Variants in LAMA5 observed in about 807,000 individuals in gnomAD.
LAMA5 encodes laminin subunit alpha-5.
Under a neutral mutation model 433.4 loss-of-function variants are expected in LAMA5, and 260 were observed. The observed-to-expected ratio is 0.60, with a 90% confidence interval of 0.54 to 0.66. The LOEUF (loss-of-function observed/expected upper bound fraction) is 0.66, where lower values mean the gene tolerates loss of function less well. Among genes scored for constraint, LAMA5 ranks in the 30% least tolerant of loss-of-function variants. The probability of loss-of-function intolerance (pLI) is 0.00; values close to 1 mark genes in which losing one functional copy is unlikely to be tolerated. For missense variants in LAMA5, 5,378 were observed against 5,258.5 expected (o/e 1.02, Z -0.70); for synonymous variants, 2,620 against 2,226.6 (o/e 1.18, Z -4.97).
At position 62,310,717 on chromosome 20, in the gene LAMA5, T is replaced by G; in HGVS notation, c.10394A>C (p.His3465Pro). The change falls in exon 75 of 80, where the codon CAC (histidine) becomes CCC (proline). Residue 3465 changes from histidine (H) to proline (P), a missense_variant. Coordinates refer to ENST00000252999, the MANE Select transcript of LAMA5 (RefSeq NM_005560.6). ...CGGGAGGCCGCCCACAAAGAGGGTGTGGGGCTGGGGGTGCTCTGCCCCCTG... is the reference window on the plus strand; with the variant it reads ...CGGGAGGCCGCCCACAAAGAGGGTGGGGGGCTGGGGGTGCTCTGCCCCCTG... ...QHQGAEHPQP[H>P]TLFVGGLPAS... is the part of the protein sequence containing the mutation. The G allele has an allele frequency of 1.3e-6, 2 of 1,597,992 alleles. No individual in the cohort carries two copies. The highest frequency in any genetic ancestry group is 1.7e-6 in the Non-Finnish European group (2 of 1,175,610).
intron 32 of LAMA5, among the ~76,000 whole-genome samples, chr20:62,329,527 T>G (rs1257869714): frequency 6.6e-6 from 1 of 152,176 alleles, no homozygotes; most frequent in African/African-American, 2.4e-5. Context: ...CTCTTCCCTC[T>G]CCTTCCTGGA....
chr20:62,322,230 A>C lies in LAMA5; in HGVS notation c.6346+39T>G, dbSNP rs539485787. 5 of 1,562,892 alleles carry C rather than the reference A, an allele frequency of 3.2e-6. No homozygotes were observed. In the South Asian group the frequency reaches 5.8e-5, roughly 18 times the overall value. ...GGACCTTGGAGCGTACCCCACTCAG[A>C]AGTCCCCATCCGCCCTCCTGTGACC... is the stretch of plus-strand genomic sequence containing the variant. On this transcript the variant is annotated intron_variant, in intron 47 of 79. Coordinates refer to ENST00000252999, the MANE Select transcript of LAMA5 (RefSeq NM_005560.6).
In LAMA5 at chr20:62,309,333, G is replaced by A. The variant is rs759037638; in HGVS notation, c.*3C>T. The A allele has an allele frequency of 1.9e-6, 3 of 1,591,682 alleles. No homozygotes were observed. Among genetic ancestry groups the A allele is most frequent in the South Asian group, 1.1e-5 (1 of 89,582 alleles). ...CTGACCAGGGGCCGGGGTTGGCTGTGTCCTAGGCGGCTGGGCAGCCACTGG... is the reference window on the plus strand; with the variant it reads ...CTGACCAGGGGCCGGGGTTGGCTGTATCCTAGGCGGCTGGGCAGCCACTGG... On this transcript the variant is annotated 3_prime_UTR_variant, in exon 80 of 80. Transcript: ENST00000252999.
intron 50 of LAMA5, 107 bp downstream of exon 50, chr20:62,320,452 G>A (rs1001995570): frequency 8.4e-5 from 69 of 818,538 alleles, no homozygotes; most frequent in South Asian, 3.1e-5. Context: ...CCCCTGCACT[G>A]ACACATGTAC....
rs1163893233 is a variant in LAMA5 at position 62,335,366 on chromosome 20, G to C, written c.2324-97C>G. The C allele has an allele frequency of 6.3e-6, 8 of 1,260,394 alleles. No individual in the cohort carries two copies. In the Admixed American group the frequency reaches 1.6e-4, roughly 25 times the overall value. 78.1% of individuals were successfully genotyped at this position (1,260,394 alleles called of 1,614,324 possible). A position where few individuals can be genotyped will look rare whatever the true frequency, so the allele number is the denominator to read the frequency against. The stretch of plus-strand genomic sequence containing the variant: ...CCCACACCCTAACACCCCCTCCAGG[G>C]CACACTCACAGGCTCCAGCACCCCC... On this transcript the variant is annotated intron_variant, in intron 18 of 79. Coordinates refer to ENST00000252999, the MANE Select transcript of LAMA5 (RefSeq NM_005560.6).
Position 62,337,698 on chromosome 20 carries a change from G to A in LAMA5, c.2056C>T (p.His686Tyr). The A allele has an allele frequency of 6.2e-7, 1 of 1,611,448 alleles. No individual in the cohort carries two copies. The change falls in exon 16 of 80, where the codon CAC becomes TAC. Residue 686 changes from histidine (H) to tyrosine (Y), a missense_variant. His to Tyr is a moderately conservative substitution (Grantham distance 83). Coordinates refer to ENST00000252999, the MANE Select transcript of LAMA5 (RefSeq NM_005560.6). ...PCHCSAEGSLHAACDPRSGQC... is the reference protein window; with the variant it reads ...PCHCSAEGSLYAACDPRSGQC... ...CCACTCCGGGGGTCACAGGCTGCGT[G>A]CAGGGAGCCTTCAGCAGAGCAGTGG...
chr20:62,339,257 A>G (rs1207917133), intron 11 of LAMA5, among the ~76,000 whole-genome samples: 4 of 57,188 alleles, frequency 7.0e-5, no homozygotes, highest in Non-Finnish European at 9.1e-5. Context: ...TTTTTTTTTG[A>G]GACGGAGTCT....
chr20:62,315,287 CCAG>C (rs1986821376), intron 58 of LAMA5, 80 bp from the exon 59 acceptor site: 2 of 1,254,684 alleles, frequency 1.6e-6, no homozygotes, highest in Non-Finnish European at 2.2e-6. Flanking sequence ...TTCTGTTGGG[CCAG>C]CAACAGGGAC....
chr20:62,327,741 T>C, intron 36 of LAMA5, 72 bp from the exon 37 acceptor site: 1 of 1,592,380 alleles, frequency 6.3e-7, no homozygotes, highest in Non-Finnish European at 8.6e-7. Flanking sequence ...GGTACCCACC[T>C]GCCAATGGGG....
At position 62,335,084 on chromosome 20, in the gene LAMA5, C is replaced by A. The variant is rs761646814; in HGVS notation, c.2419G>T (p.Ala807Ser). The A allele has an allele frequency of 4.3e-6, 7 of 1,612,930 alleles. No individual in the cohort carries two copies. The highest frequency in any genetic ancestry group is 5.1e-6 in the Non-Finnish European group (6 of 1,179,736). Residue 807 changes from alanine to serine, a missense_variant, in exon 20 of 80, where the codon GCC (alanine) becomes TCC (serine). Coordinates refer to ENST00000252999, the MANE Select transcript of LAMA5 (RefSeq NM_005560.6). The part of the protein sequence containing the change: ...CFCKPHVCGQ[A>S]CASCKDGFFG... ...AAGCCATCCTTGCAGGACGCGCAGG[C>A]CTGGCCGCACACGTGGGGCTTGCAG...
rs141649731 is a variant in LAMA5, at chr20:62,356,006, C to T, written c.451-2755G>A. Among the ~76,000 whole-genome samples the T allele has an allele frequency of 1.6e-4, 24 of 152,350 alleles. No individual in the cohort carries two copies. In the East Asian group the frequency reaches 4.4e-3, roughly 28 times the overall value. On this transcript the variant is annotated intron_variant, in intron 2 of 79. Coordinates refer to ENST00000252999, the MANE Select transcript of LAMA5 (RefSeq NM_005560.6). Reference sequence around the variant, plus strand: ...TGCGCTCTCCTCGGCCCGATCTGTCCTCCTCCCTCCCCTTCAGCAGGCCAG... The same window carrying T: ...TGCGCTCTCCTCGGCCCGATCTGTCTTCCTCCCTCCCCTTCAGCAGGCCAG...
At chr20:62,340,296 GCCT>G (rs1982375543) in intron 11 of LAMA5, among the ~76,000 whole-genome samples, 1 of 138,652 alleles carries the variant, frequency 7.2e-6, no homozygotes, top group Non-Finnish European at 1.5e-5. Flanking sequence ...TAATGAACAA[GCCT>G]CCTTTGTTTT....
chr20:62,334,094 CTGGGCCTTCAA>C, intron 22 of LAMA5, 55 bp from the exon 23 acceptor site: 1 of 1,591,308 alleles, frequency 6.3e-7, no homozygotes, highest in South Asian at 1.1e-5. Context: ...AGCCTGAGGC[CTGGGCCTTCAA>C]GGGGCCTGCC....
Position 62,322,381 on chromosome 20 carries a change from G to T in LAMA5, c.6234C>A (p.Gly2078=), listed in dbSNP as rs769803094. 39 of 1,590,270 alleles carry T rather than the reference G, an allele frequency of 2.5e-5. No individual in the cohort carries two copies. The highest frequency in any genetic ancestry group is 3.0e-5 in the Non-Finnish European group (35 of 1,170,162). ...GTCCGCTCTGGGGGTGGCACTCGGA[G>T]CCCTCGGCGGCCGGTCCACAAGCAC... ...RPCACGPAAE[G]SECHPQSGQC... is the part of the protein sequence containing the mutation. The change falls in exon 47 of 80, where the codon GGC becomes GGA. Residue 2078 remains glycine, a synonymous_variant. Transcript: ENST00000252999.
chr20:62,326,859 C>T lies in LAMA5; in HGVS notation c.5214+6G>A. The T allele has an allele frequency of 6.2e-7, 1 of 1,609,542 alleles. No individual in the cohort carries two copies. Among genetic ancestry groups the T allele is most frequent in the Non-Finnish European group, 8.5e-7 (1 of 1,177,052 alleles). On this transcript the variant is annotated splice_donor_region_variant and intron_variant, in intron 39 of 79. Transcript: ENST00000252999. ...CCACCCTGCCACATCATCTCAGCTC[C>T]CTCACCTGCAGCACCACATCCGGCC...
At chr20:62,345,002 T>C (rs566266972) in intron 11 of LAMA5, among the ~76,000 whole-genome samples, 5 of 152,206 alleles carry the variant, frequency 3.3e-5, no homozygotes, top group Middle Eastern at 3.4e-3. Flanking sequence ...GCTGGGGGAA[T>C]TGTGGATAAC....
chr20:62,309,529 A>G, intron 79 of LAMA5, 54 bp from the exon 80 acceptor site: 1 of 1,420,128 alleles, frequency 7.0e-7, no homozygotes, highest in Non-Finnish European at 9.3e-7. Flanking sequence ...CTAGAGACCC[A>G]CAGGCCCTTC....
In LAMA5 at chr20:62,333,959, C is replaced by T; in HGVS notation, c.2820G>A (p.Met940Ile). The T allele has an allele frequency of 6.2e-7, 1 of 1,612,796 alleles. No homozygotes were observed. Among genetic ancestry groups the T allele is most frequent in the African/African-American group, 1.3e-5 (1 of 75,052 alleles). The change falls in exon 23 of 80, where the codon ATG becomes ATA. Residue 940 changes from methionine (M) to isoleucine (I), a missense_variant. Physicochemically the swap from Met to Ile is conservative, Grantham distance 10 (BLOSUM62 1). Coordinates refer to ENST00000252999, the MANE Select transcript of LAMA5 (RefSeq NM_005560.6). ...GCACAGAGACCCGCCCGCTCACACTCATGGCCCCCCGGTTGACGTATCGGA... is the reference window on the plus strand; with the variant it reads ...GCACAGAGACCCGCCCGCTCACACTTATGGCCCCCCGGTTGACGTATCGGA... ...LVFRYVNRGAMSVSGRVSVRE... is the reference protein window; with the variant it reads ...LVFRYVNRGAISVSGRVSVRE...
At chr20:62,346,362 C>T in intron 9 of LAMA5, 144 bp downstream of exon 9, 1 of 1,363,536 alleles carries the variant, frequency 7.3e-7, no homozygotes, top group South Asian at 1.4e-5. Flanking sequence ...GGGCTGGGGA[C>T]CCGCCCCGTG....
Sources: allele counts gnomAD v4.1 joint callset (sites outside exome capture counted in the v4.1 genomes callset), GRCh38; gene constraint gnomAD v4.1.1; transcripts MANE v1.5; gene names NCBI Gene and HGNC (gene_info 2026-07-23, HGNC 2026-07-21).